GRM5: variants seen among roughly 807,000 people sequenced by gnomAD.
GRM5 encodes the protein glutamate metabotropic receptor 5.
A neutral mutation model predicts 83.1 loss-of-function variants in GRM5; 19 were observed. The ratio of observed to expected loss-of-function variants is 0.23; its 90% CI spans 0.16 to 0.34. GRM5 has a LOEUF of 0.34. Ranked by LOEUF, GRM5 falls within the 10% of genes least tolerant of loss-of-function variation. The pLI, the probability that GRM5 is intolerant of heterozygous loss-of-function variation, is 1.00. For missense variants in GRM5, 1,160 were observed against 1,588.3 expected (o/e 0.73, Z 4.58); for synonymous variants, 675 against 633.6 (o/e 1.07, Z -0.98).
At chr11:88,663,955 T>C (rs1242464164) in intron 3 of GRM5, among the ~76,000 whole-genome samples, 1 of 152,134 alleles carries the variant, frequency 6.6e-6, no homozygotes, top group Admixed American at 6.6e-5. Flanking sequence ...TCATAACAGG[T>C]CACTAGGGAC....
chr11:88,798,715 G>C (rs1326431948), intron 3 of GRM5, among the ~76,000 whole-genome samples: 5 of 149,140 alleles, frequency 3.4e-5, no homozygotes, highest in African/African-American at 5.0e-5. Flanking sequence ...TTGTGGATAG[G>C]AGCATTTGAG....
rs373939352 is a variant in GRM5, at chr11:89,062,876, G to A, written c.-201+2900C>T. Among the ~76,000 whole-genome samples, 16 of 152,346 alleles carry A rather than the reference G, an allele frequency of 1.1e-4. No homozygotes were observed. In the East Asian group the frequency reaches 1.7e-3, roughly 17 times the overall value. ...CGCTGTAGCCTGGGCTTCCTCCTTG[G>A]CATGCCGCTCATGCCCCCGCCGTGG... On this transcript the variant is annotated intron_variant, in intron 1 of 9. Transcript: ENST00000305447.
intron 2 of GRM5, among the ~76,000 whole-genome samples, chr11:89,040,763 G>A (rs759514064): frequency 1.3e-4 from 20 of 151,888 alleles, no homozygotes; most frequent in African/African-American, 3.6e-4. Flanking sequence ...GGATAGGAAG[G>A]TAAGAAGTTA....
At chr11:88,775,249 TG>T (rs1476337199) in intron 3 of GRM5, among the ~76,000 whole-genome samples, 1 of 152,126 alleles carries the variant, frequency 6.6e-6, no homozygotes, top group Non-Finnish European at 1.5e-5. Context: ...TAGTATTCTC[TG>T]ATGGTAGTTT....
intron 2 of GRM5, among the ~76,000 whole-genome samples, chr11:89,039,941 A>C (rs1408356145): frequency 1.3e-5 from 2 of 152,056 alleles, no homozygotes; most frequent in African/African-American, 4.8e-5. Flanking sequence ...CTGGGTGCAC[A>C]CCACCATGTC....
At chr11:88,737,252 G>C (rs1047266365) in intron 3 of GRM5, among the ~76,000 whole-genome samples, 3 of 151,998 alleles carry the variant, frequency 2.0e-5, no homozygotes, top group African/African-American at 7.2e-5. Context: ...TGCTATCAGG[G>C]CACACATCTA....
intron 3 of GRM5, among the ~76,000 whole-genome samples, chr11:88,810,485 C>A (rs1378264479): frequency 6.6e-6 from 1 of 151,886 alleles, no homozygotes; most frequent in Non-Finnish European, 1.5e-5. Flanking sequence ...ATAAGATTAG[C>A]AAGGTATGGT....
At chr11:88,554,229 T>A (rs1002397601) in intron 8 of GRM5, among the ~76,000 whole-genome samples, 1 of 151,524 alleles carries the variant, frequency 6.6e-6, no homozygotes, top group Non-Finnish European at 1.5e-5. Context: ...ATACCCTTCC[T>A]CCACATTCAA....
chr11:88,717,646 T>C (rs1941428094), intron 3 of GRM5, among the ~76,000 whole-genome samples: 2 of 151,994 alleles, frequency 1.3e-5, no homozygotes, highest in South Asian at 4.1e-4. Context: ...TCTACAACTA[T>C]GTAATTATGT....
intron 2 of GRM5, among the ~76,000 whole-genome samples, chr11:89,006,967 T>G (rs550200879): frequency 6.6e-6 from 1 of 152,234 alleles, no homozygotes; most frequent in South Asian, 2.1e-4. Flanking sequence ...CCGGCTAATT[T>G]TTTGTATTTT....
At chr11:88,789,326 C>T (rs1236849001) in intron 3 of GRM5, among the ~76,000 whole-genome samples, 1 of 149,090 alleles carries the variant, frequency 6.7e-6, no homozygotes, top group African/African-American at 2.5e-5. Flanking sequence ...GTCTGGAGGC[C>T]AAGTTCCATT....
At chr11:88,850,487 C>A (rs1944371591) in intron 2 of GRM5, among the ~76,000 whole-genome samples, 1 of 151,948 alleles carries the variant, frequency 6.6e-6, no homozygotes, top group African/African-American at 2.4e-5. Context: ...TATTTTTTTG[C>A]ATTCTATCTC....
intron 2 of GRM5, among the ~76,000 whole-genome samples, chr11:88,940,719 T>G (rs1322441454): frequency 6.6e-6 from 1 of 151,892 alleles, no homozygotes; most frequent in Non-Finnish European, 1.5e-5. Context: ...AATATTGAAC[T>G]TTGATTAGTT....
intron 3 of GRM5, among the ~76,000 whole-genome samples, chr11:88,812,337 T>G (rs1415023262): frequency 6.6e-6 from 1 of 152,136 alleles, no homozygotes; most frequent in Non-Finnish European, 1.5e-5. Flanking sequence ...TTGTGAGAGA[T>G]GCTCAGTTAT....
At chr11:88,737,654 C>T (rs147651549) in intron 3 of GRM5, among the ~76,000 whole-genome samples, 13 of 152,032 alleles carry the variant, frequency 8.6e-5, no homozygotes, top group African/African-American at 2.9e-4. Flanking sequence ...TTGTACAGAA[C>T]ATTTTGTGAT....
intron 3 of GRM5, among the ~76,000 whole-genome samples, chr11:88,794,764 A>G (rs899700552): frequency 6.6e-6 from 1 of 152,206 alleles, no homozygotes; most frequent in Admixed American, 6.5e-5. Context: ...CTGTTACTGG[A>G]GGGTTATTAT....
chr11:88,982,318 C>T (rs368417500), intron 2 of GRM5, among the ~76,000 whole-genome samples: 2 of 152,060 alleles, frequency 1.3e-5, no homozygotes, highest in African/African-American at 4.8e-5. Flanking sequence ...ATTTATAATA[C>T]AATCTAAAAA....
chr11:88,913,570 T>C, intron 2 of GRM5, among the ~76,000 whole-genome samples: 1 of 148,784 alleles, frequency 6.7e-6, no homozygotes, highest in Non-Finnish European at 1.5e-5. Flanking sequence ...CTTCTTTTTT[T>C]TTCCTTCTCT....
chr11:88,722,788 C>T (rs541225635), intron 3 of GRM5, among the ~76,000 whole-genome samples: 1 of 152,154 alleles, frequency 6.6e-6, no homozygotes, highest in South Asian at 2.1e-4. Flanking sequence ...CGCCTCATCC[C>T]CAGTTTCCCC....
Sources: gnomAD v4.1 joint callset for allele counts (sites outside exome capture counted in the v4.1 genomes callset) on GRCh38, gnomAD v4.1.1 for gene constraint, MANE v1.5 for transcripts, NCBI Gene and HGNC (gene_info 2026-07-23, HGNC 2026-07-21) for gene names.